Variants in AK5 observed in about 807,000 individuals in gnomAD.
The protein encoded by AK5 is adenylate kinase isoenzyme 5.
A neutral mutation model predicts 69.5 loss-of-function variants in AK5; 27 were observed. The observed-to-expected ratio is 0.39, with a 90% CI of 0.29 to 0.54. AK5 has a LOEUF of 0.54. AK5 is among the 20% of genes least tolerant of loss of function. AK5 has a pLI of 0.71. For missense variants in AK5, 531 were observed against 700.4 expected (o/e 0.76, Z 2.73); for synonymous variants, 260 against 244.4 (o/e 1.06, Z -0.60).
chr1:77,313,749 T>A (rs542777406), intron 5 of AK5: 1 of 502,070 alleles, frequency 2.0e-6, no homozygotes, highest in African/African-American at 2.0e-5. Flanking sequence ...TGGCAGCTGC[T>A]GCCGTGATTC....
At chr1:77,312,140 G>C (rs1185728215) in intron 5 of AK5, among the ~76,000 whole-genome samples, 1 of 152,118 alleles carries the variant, frequency 6.6e-6, no homozygotes, top group Non-Finnish European at 1.5e-5. Flanking sequence ...ACCTAGCTGT[G>C]GTTTAAATAC....
At chr1:77,332,146 A>G (rs1308995698) in intron 5 of AK5, among the ~76,000 whole-genome samples, 1 of 152,152 alleles carries the variant, frequency 6.6e-6, no homozygotes, top group African/African-American at 2.4e-5. Context: ...TTGTTTTCAT[A>G]AAGTTATTCT....
At chr1:77,367,174 A>G (rs1363928947) in intron 6 of AK5, among the ~76,000 whole-genome samples, 6 of 151,802 alleles carry the variant, frequency 4.0e-5, no homozygotes, top group African/African-American at 1.2e-4. Context: ...TGGGTTGAGT[A>G]TCCTTTATAC....
intron 6 of AK5, among the ~76,000 whole-genome samples, chr1:77,397,520 A>G (rs957861435): frequency 2.6e-5 from 4 of 152,316 alleles, no homozygotes; most frequent in Non-Finnish European, 4.4e-5. Flanking sequence ...ATCCAGAATG[A>G]TTGTCCACTA....
intron 6 of AK5, among the ~76,000 whole-genome samples, chr1:77,360,088 C>G (rs1030474786): frequency 5.3e-5 from 8 of 152,042 alleles, no homozygotes; most frequent in African/African-American, 1.9e-4. Context: ...AGGGGCCAGC[C>G]CATAGAAAGC....
chr1:77,473,211 T>C (rs1246987804), intron 8 of AK5, among the ~76,000 whole-genome samples: 4 of 151,846 alleles, frequency 2.6e-5, no homozygotes, highest in Non-Finnish European at 5.9e-5. Context: ...TTTTTTTTTT[T>C]TTGGTGTTTT....
rs142308444 is a variant in AK5, at chr1:77,539,577, T to G, written c.1620+3539T>G. On this transcript the variant is annotated intron_variant, in intron 13 of 13. Coordinates refer to ENST00000354567, the MANE Select transcript of AK5 (RefSeq NM_174858.3). ...GTGCTGGGCCCAGGAAGCTGAGATT[T>G]GTCTGCAGGTACCCGTGGGGTTTGC... 1.3e-3 allele frequency among the ~76,000 whole-genome samples: 205 copies of G among 152,242 alleles called. 1 individual carries two copies. Among genetic ancestry groups the G allele is most frequent in the African/African-American group, 4.7e-3 (194 of 41,538 alleles).
intron 9 of AK5, 70 bp downstream of exon 9, chr1:77,483,429 C>A: frequency 8.2e-7 from 1 of 1,218,372 alleles, no homozygotes; most frequent in Non-Finnish European, 1.2e-6. Flanking sequence ...TTTAATTAAA[C>A]ATCAACTTGA....
In AK5 at chr1:77,520,477, C is replaced by T. The variant is rs190397462; in HGVS notation, c.1312-1350C>T. Among the ~76,000 whole-genome samples, 438 of 152,328 alleles carry T rather than the reference C, an allele frequency of 2.9e-3. 1 individual carries two copies. Among genetic ancestry groups the T allele is most frequent in the African/African-American group, 0.01 (422 of 41,566 alleles). On this transcript the variant is annotated intron_variant, in intron 11 of 13. Transcript: ENST00000354567. ...CTCTCCAGTGTTATTTCTCACCACT[C>T]TCACCTTGCTCACTCCCACCCACCA...
intron 3 of AK5, among the ~76,000 whole-genome samples, chr1:77,295,857 T>C (rs574597604): frequency 2.3e-4 from 35 of 152,314 alleles, no homozygotes; most frequent in Non-Finnish European, 4.1e-4. Flanking sequence ...TTCAATAAAC[T>C]AAGATCTTCG....
chr1:77,327,834 A>G (rs1039419082), intron 5 of AK5, among the ~76,000 whole-genome samples: 5 of 152,230 alleles, frequency 3.3e-5, no homozygotes, highest in African/African-American at 1.2e-4. Context: ...ATAATTATAG[A>G]CAGTTCAGGC....
At chr1:77,424,394 A>C (rs1352938539) in intron 8 of AK5, among the ~76,000 whole-genome samples, 1 of 152,112 alleles carries the variant, frequency 6.6e-6, no homozygotes, top group Non-Finnish European at 1.5e-5. Context: ...TTGAGTAGCT[A>C]GGACTACAGA....
At chr1:77,519,624 G>A (rs1657868635) in intron 11 of AK5, among the ~76,000 whole-genome samples, 2 of 152,296 alleles carry the variant, frequency 1.3e-5, no homozygotes, top group Non-Finnish European at 2.9e-5. Flanking sequence ...AAGGGCTACT[G>A]GTTACCCATT....
At position 77,490,264 on chromosome 1, in the gene AK5, C is replaced by G. The variant is rs78471026; in HGVS notation, c.1147+3912C>G. ...CTCCTTTCTCCATGAAGCTGCTACC[C>G]TCTCACTGAGAGCAAGCAAAAGCAA... On this transcript the variant is annotated intron_variant, in intron 10 of 13. Coordinates refer to ENST00000354567, the MANE Select transcript of AK5 (RefSeq NM_174858.3). Among the ~76,000 whole-genome samples the G allele has an allele frequency of 9.5e-3, 1,445 of 152,276 alleles. 25 individuals are homozygous for G. Among genetic ancestry groups the G allele is most frequent in the African/African-American group, 0.033 (1,374 of 41,536 alleles).
At chr1:77,313,506 C>T (rs1410432091) in intron 5 of AK5, among the ~76,000 whole-genome samples, 2 of 152,146 alleles carry the variant, frequency 1.3e-5, no homozygotes, top group Non-Finnish European at 2.9e-5. Flanking sequence ...TTTGAGTCTA[C>T]ATTCCTACAT....
At chr1:77,310,111 A>G (rs1019749267) in intron 5 of AK5, among the ~76,000 whole-genome samples, 6 of 152,136 alleles carry the variant, frequency 3.9e-5, no homozygotes, top group Non-Finnish European at 8.8e-5. Context: ...TCTTTTGTAT[A>G]GTGTGAGGTA....
chr1:77,467,099 AT>A (rs1483724145), intron 8 of AK5, among the ~76,000 whole-genome samples: 1 of 152,262 alleles, frequency 6.6e-6, no homozygotes, highest in Non-Finnish European at 1.5e-5. Flanking sequence ...GAATTGTAAC[AT>A]ACTCCTGTAT....
At chr1:77,403,302 T>G (rs1649369830) in intron 6 of AK5, among the ~76,000 whole-genome samples, 2 of 152,208 alleles carry the variant, frequency 1.3e-5, no homozygotes, top group South Asian at 4.1e-4. Flanking sequence ...TTAGTTTAAT[T>G]AGATCCCATT....
At chr1:77,440,609 C>G (rs570931373) in intron 8 of AK5, among the ~76,000 whole-genome samples, 25 of 152,134 alleles carry the variant, frequency 1.6e-4, no homozygotes, top group Non-Finnish European at 3.5e-4. Context: ...CTTCCAACTT[C>G]CAGAATAAAA....
Sources: gnomAD v4.1 joint callset for allele counts (sites outside exome capture counted in the v4.1 genomes callset) on GRCh38, gnomAD v4.1.1 for gene constraint, MANE v1.5 for transcripts, NCBI Gene and HGNC (gene_info 2026-07-23, HGNC 2026-07-21) for gene names.